Variants in NEDD1 observed in about 807,000 individuals in gnomAD.
NEDD1 encodes protein NEDD1.
NEDD1 carries 33 observed loss-of-function variants against 74.0 expected under a neutral mutation model. The observed-to-expected ratio is 0.45, with a 90% confidence interval of 0.34 to 0.60. NEDD1 has a LOEUF of 0.60. NEDD1 is among the 20% of genes least tolerant of loss of function. The pLI, the probability that NEDD1 is intolerant of heterozygous loss-of-function variation, is 0.01. For synonymous variants in NEDD1, 250 were observed against 264.4 expected, an observed-to-expected ratio of 0.95 and a Z score of 0.53; for missense variants, 746 against 776.5, an observed-to-expected ratio of 0.96 and a Z score of 0.47.
In NEDD1 at chr12:96,907,281, T is replaced by G; in HGVS notation, c.-281T>G. On this transcript the variant is annotated 5_prime_UTR_variant, in exon 1 of 16. Coordinates refer to ENST00000266742, the MANE Select transcript of NEDD1 (RefSeq NM_152905.4). ...CAGCGCGGAGCCGGCCGCGGCCCCC[T>G]GTTGTGTTGCTGCGGAGAGGTGAGG... 11 of 258,990 alleles carry G rather than the reference T, an allele frequency of 4.2e-5. No homozygotes were observed. Among genetic ancestry groups the G allele is most frequent in the East Asian group, 7.7e-5 (1 of 12,910 alleles). The allele number at this position is 258,990 out of a possible 1,614,324, so 16.0% of individuals were successfully genotyped here. A position where few individuals can be genotyped will look rare whatever the true frequency, so the allele number is the denominator to read the frequency against.
chr12:96,929,333 GTTTTTTTTCTTAATGTCTTGTATTT>G (rs1437845122), intron 6 of NEDD1, among the ~76,000 whole-genome samples: 140 of 133,598 alleles, frequency 1.0e-3, no homozygotes, highest in African/African-American at 3.7e-3. Flanking sequence ...TTAAATTTAT[GTTTTTTTTCTTAATGTCTTGTATTT>G]TTTTTTTCCT....
intron 6 of NEDD1, among the ~76,000 whole-genome samples, chr12:96,928,851 T>C (rs1440571365): frequency 6.6e-6 from 1 of 151,824 alleles, no homozygotes; most frequent in Non-Finnish European, 1.5e-5. Flanking sequence ...CACGCCTGGC[T>C]AATTTTTTGT....
rs542960069 is a variant in NEDD1, at chr12:96,919,473, C to T, written c.349-512C>T. Among the ~76,000 whole-genome samples, 14 of 152,312 alleles carry T rather than the reference C, an allele frequency of 9.2e-5. No individual in the cohort carries two copies. The South Asian group carries it at 2.9e-3, about 32-fold the overall frequency. On this transcript the variant is annotated intron_variant, in intron 5 of 15. Transcript: ENST00000266742. The stretch of plus-strand genomic sequence containing the variant: ...CAAATGGAAGCAGTTTCTGTTATCT[C>T]ACAGATGCCTTGCTCATTTGTTTTT...
intron 11 of NEDD1, 128 bp from the exon 12 acceptor site, chr12:96,943,432 A>G: frequency 1.5e-6 from 1 of 669,552 alleles, no homozygotes; most frequent in Non-Finnish European, 2.6e-6. Flanking sequence ...TATCTGAGAA[A>G]CAAACCAGTC....
At chr12:96,916,769 G>A (rs1276139715) in intron 4 of NEDD1, among the ~76,000 whole-genome samples, 1 of 151,684 alleles carries the variant, frequency 6.6e-6, no homozygotes, top group Admixed American at 6.6e-5. Flanking sequence ...GGGTATGGAA[G>A]GAGACATGAT....
chr12:96,943,870 A>G (rs184556594), intron 12 of NEDD1, 108 bp downstream of exon 12: 25 of 644,982 alleles, frequency 3.9e-5, no homozygotes, highest in South Asian at 3.6e-4. Flanking sequence ...GCACTTATTC[A>G]TAAGTCTTGA....
rs548041847 is a variant in NEDD1 at position 96,944,895 on chromosome 12, A to T, written c.1654+100A>T. On this transcript the variant is annotated intron_variant, in intron 13 of 15. Coordinates refer to ENST00000266742, the MANE Select transcript of NEDD1 (RefSeq NM_152905.4). ...AGAAATAGAGTAATCATAGACTAAAAATGTTCAAAGAGTTTAAAGTTTGTG... is the reference window on the plus strand; with the variant it reads ...AGAAATAGAGTAATCATAGACTAAATATGTTCAAAGAGTTTAAAGTTTGTG... 3.1e-5 allele frequency: 28 copies of T among 902,948 alleles called. No individual in the cohort carries two copies. The East Asian group carries it at 6.7e-4, about 22-fold the overall frequency. The allele number at this position is 902,948 out of a possible 1,614,324, so 55.9% of individuals were successfully genotyped here.
chr12:96,936,532 T>A lies in NEDD1; in HGVS notation c.720-79T>A, dbSNP rs1022516116. ...TTTGAAGTGTTAATAACTCTGGTTT[T>A]GGTATATAGTTACTTATATAAGCTA... On this transcript the variant is annotated intron_variant, in intron 7 of 15. Transcript: ENST00000266742. 5 of 910,210 alleles carry A rather than the reference T, an allele frequency of 5.5e-6. No individual in the cohort carries two copies. The African/African-American group carries it at 8.2e-5, about 15-fold the overall frequency. 56.4% of individuals were successfully genotyped at this position (910,210 alleles called of 1,614,324 possible).
intron 12 of NEDD1, 26 bp from the exon 13 acceptor site, chr12:96,944,613 A>G (rs752017286): frequency 3.7e-5 from 54 of 1,449,186 alleles, no homozygotes; most frequent in Non-Finnish European, 4.8e-5. Flanking sequence ...TGTATATTAA[A>G]GTCATTATTT....
In NEDD1 at chr12:96,937,293, A is replaced by C. The variant is rs766948266; in HGVS notation, c.1017A>C (p.Gly339=). 1.4e-5 allele frequency: 22 copies of C among 1,612,790 alleles called. No homozygotes were observed. The highest frequency in any genetic ancestry group is 1.7e-5 in the Non-Finnish European group (20 of 1,179,150). The change falls in exon 9 of 16, where the codon GGA becomes GGC. Residue 339 remains glycine (G), a synonymous_variant. Coordinates refer to ENST00000266742, the MANE Select transcript of NEDD1 (RefSeq NM_152905.4). ...NAASGGVQNS[G]IVREAPATSI... ...CTAGTGGAGGAGTTCAGAATTCCGG[A>C]ATTGTCAGAGAAGCACCTGCCACGT...
At chr12:96,913,049 A>T (rs910481582) in intron 4 of NEDD1, among the ~76,000 whole-genome samples, 1 of 152,198 alleles carries the variant, frequency 6.6e-6, no homozygotes, top group African/African-American at 2.4e-5. Context: ...AATTTTGTTG[A>T]CTAGGCACTT....
At chr12:96,914,197 A>G (rs145733461) in intron 4 of NEDD1, among the ~76,000 whole-genome samples, 49 of 152,364 alleles carry the variant, frequency 3.2e-4, no homozygotes, top group Admixed American at 2.5e-3. Context: ...GGATCTTTGT[A>G]TCCTAAGATG....
At chr12:96,909,507 T>G (rs755767876) in intron 2 of NEDD1, among the ~76,000 whole-genome samples, 10 of 152,030 alleles carry the variant, frequency 6.6e-5, no homozygotes, top group African/African-American at 2.4e-4. Flanking sequence ...GGCCAGGACA[T>G]GTAAGGCAGG....
At chr12:96,951,783 G>T (rs546230180) in intron 15 of NEDD1, among the ~76,000 whole-genome samples, 166 bp from the exon 16 acceptor site, 1 of 151,556 alleles carries the variant, frequency 6.6e-6, no homozygotes, top group Non-Finnish European at 1.5e-5. Context: ...TTTCACCAAC[G>T]ATCTTCCATT....
At chr12:96,951,821 G>C in intron 15 of NEDD1, 128 bp from the exon 16 acceptor site, 1 of 611,074 alleles carries the variant, frequency 1.6e-6, no homozygotes, top group Non-Finnish European at 2.9e-6. Flanking sequence ...AAGTTGTTAA[G>C]TACAAGAAAT....
Position 96,951,421 on chromosome 12 carries a change from A to G in NEDD1, c.1812-11A>G, listed in dbSNP as rs773750487. On this transcript the variant is annotated splice_polypyrimidine_tract_variant and intron_variant, in intron 14 of 15. Transcript: ENST00000266742. ...ATTGTAATTCTAAAAAGTATTTTAC[A>G]TTCTTCCTAGAGAAGCATGCCATAG... 6.7e-7 allele frequency: 1 copy of G among 1,503,518 alleles called. No individual in the cohort carries two copies. 93.1% of individuals were successfully genotyped at this position (1,503,518 alleles called of 1,614,324 possible).
chr12:96,924,488 G>GTGCT (rs1189983089), intron 6 of NEDD1, among the ~76,000 whole-genome samples: 1 of 152,160 alleles, frequency 6.6e-6, no homozygotes, highest in African/African-American at 2.4e-5. Context: ...TTTCTTAGCA[G>GTGCT]TGCTTTGTTT....
At chr12:96,914,770 T>C (rs1287473508) in intron 4 of NEDD1, among the ~76,000 whole-genome samples, 1 of 152,210 alleles carries the variant, frequency 6.6e-6, no homozygotes, top group Non-Finnish European at 1.5e-5. Flanking sequence ...ACCTTTGCCT[T>C]GCACCTTGAG....
chr12:96,916,170 C>G lies in NEDD1; in HGVS notation c.232-1451C>G, dbSNP rs567345293. On this transcript the variant is annotated intron_variant, in intron 4 of 15. Coordinates refer to ENST00000266742, the MANE Select transcript of NEDD1 (RefSeq NM_152905.4). Reference sequence around the variant, plus strand: ...ATGAGGTAGGGCCCAAATAATAGGACTTTGAAAGCCAGGTAAATGTTTGGA... The same window carrying G: ...ATGAGGTAGGGCCCAAATAATAGGAGTTTGAAAGCCAGGTAAATGTTTGGA... Among the ~76,000 whole-genome samples, 74 of 151,464 alleles carry G rather than the reference C, an allele frequency of 4.9e-4. No homozygotes were observed. In the South Asian group the frequency reaches 5.9e-3, roughly 12 times the overall value.
Sources: gnomAD v4.1 joint callset for allele counts (sites outside exome capture counted in the v4.1 genomes callset) on GRCh38, gnomAD v4.1.1 for gene constraint, MANE v1.5 for transcripts, NCBI Gene and HGNC (gene_info 2026-07-23, HGNC 2026-07-21) for gene names.